The following RESF1 variants were observed in gnomAD, a reference collection of about 807,000 sequenced individuals.
RESF1 encodes the protein gonad expressed transcript.
RESF1 carries 65 observed loss-of-function variants against 134.7 expected under a neutral mutation model. That is an observed-to-expected ratio of 0.48 (90% CI 0.40 to 0.59). The LOEUF is 0.59. RESF1 is among the 20% of genes least tolerant of loss of function. RESF1 has a pLI of 0.00. For synonymous variants in RESF1, 762 were observed against 702.2 expected (o/e 1.09, Z -1.35); for missense variants, 2,274 against 2,002.7 (o/e 1.14, Z -2.59).
intron 5 of RESF1, among the ~76,000 whole-genome samples, chr12:31,988,847 G>A (rs747168026): frequency 1.2e-4 from 18 of 151,798 alleles, no homozygotes; most frequent in Middle Eastern, 6.8e-3. Flanking sequence ...ACACTACCAC[G>A]CCTGGCTTAT....
chr12:31,959,908 T>A (rs1939217445), intron 1 of RESF1: 1 of 151,950 alleles, frequency 6.6e-6, no homozygotes, highest in African/African-American at 2.4e-5. Flanking sequence ...CGGGTGGGTA[T>A]GAGAGCTGCT....
At chr12:31,968,411 A>T (rs1050790908) in intron 2 of RESF1, among the ~76,000 whole-genome samples, 2 of 151,700 alleles carry the variant, frequency 1.3e-5, no homozygotes, top group African/African-American at 4.8e-5. Context: ...AGAAGTGGTC[A>T]GGACTTTTTC....
At chr12:31,970,436 T>C (rs1939480370) in intron 3 of RESF1, 80 bp downstream of exon 3, 1 of 152,268 alleles carries the variant, frequency 6.6e-6, no homozygotes. Context: ...TTGTTGATTT[T>C]CCACCTATTT....
rs747146526 is a variant in RESF1, at chr12:31,985,759, A to G, written c.4804A>G (p.Ser1602Gly). The change falls in exon 4 of 6, where the codon AGT becomes GGT. Residue 1602 changes from serine (S) to glycine (G), a missense_variant. Coordinates refer to ENST00000312561, the MANE Select transcript of RESF1 (RefSeq NM_018169.4). ...AAGCATTTCTCTCACCAAATTAGAA[A>G]GTTCACCCAGGAAGCTTCATAAAGA... ...RESISLTKLE[S>G]SPRKLHKDKR... 1.3e-6 allele frequency: 2 copies of G among 1,577,190 alleles called. No individual in the cohort carries two copies. The highest frequency in any genetic ancestry group is 2.0e-5 in the Admixed American group (1 of 49,298).
chr12:31,992,463 A>C lies in RESF1; in HGVS notation c.5172A>C (p.Glu1724Asp). Residue 1724 changes from glutamate to aspartate, a missense_variant, in exon 6 of 6, where the codon GAA (glutamate) becomes GAC (aspartate). By Grantham distance (45) the Glu-to-Asp change is conservative. Coordinates refer to ENST00000312561, the MANE Select transcript of RESF1 (RefSeq NM_018169.4). ...MLQNPVKDSK[E>D]MFQTYKQMYL... ...AAAACCCAGTAAAAGATTCAAAAGA[A>C]ATGTTTCAAACCTACAAACAGATGT... 7 of 1,614,010 alleles carry C rather than the reference A, an allele frequency of 4.3e-6. No homozygotes were observed. Among genetic ancestry groups the C allele is most frequent in the Non-Finnish European group, 5.9e-6 (7 of 1,179,906 alleles).
Position 31,969,011 on chromosome 12 carries a change from G to C in RESF1, c.-246-1178G>C, listed in dbSNP as rs147781829. Among the ~76,000 whole-genome samples the C allele has an allele frequency of 1.2e-3, 190 of 152,196 alleles. 2 individuals carry two copies. In the East Asian group the frequency reaches 0.015, roughly 12 times the overall value. ...GCTGGAGTACAGTGGCACTACCATAGTCCACTGCACTCTCGACTTCCCATG... is the reference window on the plus strand; with the variant it reads ...GCTGGAGTACAGTGGCACTACCATACTCCACTGCACTCTCGACTTCCCATG... On this transcript the variant is annotated intron_variant, in intron 2 of 5. Transcript: ENST00000312561.
rs1464893413 is a variant in RESF1, at chr12:31,992,626, T to C, written c.*91T>C. The C allele has an allele frequency of 7.9e-7, 1 of 1,264,626 alleles. No homozygotes were observed. The highest frequency in any genetic ancestry group is 1.5e-5 in the African/African-American group (1 of 66,432). The allele number at this position is 1,264,626 out of a possible 1,614,324, so 78.3% of individuals were successfully genotyped here. Reference sequence around the variant, plus strand: ...CTGAAACTAATGAGAAATGCCATGATAAAGATTTCTCAGAGTTTGGTTCCC... The same window carrying C: ...CTGAAACTAATGAGAAATGCCATGACAAAGATTTCTCAGAGTTTGGTTCCC... On this transcript the variant is annotated 3_prime_UTR_variant, in exon 6 of 6. Transcript: ENST00000312561.
chr12:31,984,457 G>T lies in RESF1; in HGVS notation c.3502G>T (p.Asp1168Tyr). The change falls in exon 4 of 6, where the codon GAT (aspartate) becomes TAT (tyrosine). Residue 1168 changes from aspartate to tyrosine, a missense_variant. By Grantham distance (160) the Asp-to-Tyr change is radical. Coordinates refer to ENST00000312561, the MANE Select transcript of RESF1 (RefSeq NM_018169.4). The part of the protein sequence containing the change: ...RDSVILDSEK[D>Y]DIHCCALGWL... ...TTCTGTGATACTGGACTCTGAGAAA[G>T]ATGATATCCACTGCTGTGCATTGGG... 1 of 1,614,128 alleles carries T rather than the reference G, an allele frequency of 6.2e-7. No homozygotes were observed. The highest frequency in any genetic ancestry group is 8.5e-7 in the Non-Finnish European group (1 of 1,179,964).
chr12:31,976,344 C>G (rs1256349055), intron 3 of RESF1, among the ~76,000 whole-genome samples: 15 of 152,144 alleles, frequency 9.9e-5, no homozygotes, highest in Admixed American at 9.8e-4. Context: ...TTAACAGTAA[C>G]ATTAAACAGT....
chr12:31,969,371 G>T (rs1036050402), intron 2 of RESF1, among the ~76,000 whole-genome samples: 1 of 152,296 alleles, frequency 6.6e-6, no homozygotes, highest in South Asian at 2.1e-4. Context: ...CCACACGGTG[G>T]CATTCACCTG....
rs751932211 is a variant in RESF1 at position 31,985,055 on chromosome 12, A to G, written c.4100A>G (p.Lys1367Arg). The G allele has an allele frequency of 1.3e-6, 2 of 1,582,654 alleles. No homozygotes were observed. Among genetic ancestry groups the G allele is most frequent in the East Asian group, 2.2e-5 (1 of 44,656 alleles). ...CCAGAAAAGATAAAATTGAAACTCAAATCAGTTAGCTTCAAACAAAAACGA... is the reference window on the plus strand; with the variant it reads ...CCAGAAAAGATAAAATTGAAACTCAGATCAGTTAGCTTCAAACAAAAACGA... Reference protein sequence around the residue: ...LSPEKIKLKLKSVSFKQKRKL... With the variant: ...LSPEKIKLKLRSVSFKQKRKL... Residue 1367 changes from lysine to arginine, a missense_variant, in exon 4 of 6, where the codon AAA (lysine) becomes AGA (arginine). Lys to Arg is a conservative substitution (Grantham distance 26). Transcript: ENST00000312561.
At chr12:31,989,415 A>AT (rs1555112941) in intron 5 of RESF1, among the ~76,000 whole-genome samples, 37 of 148,964 alleles carry the variant, frequency 2.5e-4, no homozygotes, top group Non-Finnish European at 5.1e-4. Context: ...AAAAAAAAAA[A>AT]TAGGCAAAGA....
chr12:31,987,305 AAGAC>A lies in RESF1; in HGVS notation c.5072_5075del (p.Asp1691AlafsTer28), dbSNP rs1565489032. ...GTTGCTACAAAGAAAAGGACACAGAAAGACAGCCAAGAGAGAGGTAAAGTCATCT... is the reference window on the plus strand; with the variant it reads ...GTTGCTACAAAGAAAAGGACACAGAAAGCCAAGAGAGAGGTAAAGTCATCT... On this transcript the variant is annotated frameshift_variant, in exon 5 of 6. Coordinates refer to ENST00000312561, the MANE Select transcript of RESF1 (RefSeq NM_018169.4). LOFTEE classifies it low-confidence loss of function (END_TRUNC). The A allele has an allele frequency of 1.2e-6, 2 of 1,600,490 alleles. No individual in the cohort carries two copies. Among genetic ancestry groups the A allele is most frequent in the Admixed American group, 1.7e-5 (1 of 59,448 alleles).
At chr12:31,988,529 A>G (rs1940024391) in intron 5 of RESF1, among the ~76,000 whole-genome samples, 1 of 152,120 alleles carries the variant, frequency 6.6e-6, no homozygotes, top group Non-Finnish European at 1.5e-5. Context: ...GCATCCCCAG[A>G]TTTTGGTATC....
Position 31,980,860 on chromosome 12 carries a change from T to C in RESF1, c.-78-18T>C, listed in dbSNP as rs1457352783. ...TAGGCAAAACAGCATTTTAATAAAA[T>C]ATCTTTATTTCTTACAGATTCCTGA... is the stretch of plus-strand genomic sequence containing the variant. On this transcript the variant is annotated intron_variant, in intron 3 of 5. Coordinates refer to ENST00000312561, the MANE Select transcript of RESF1 (RefSeq NM_018169.4). The C allele has an allele frequency of 1.1e-5, 10 of 921,442 alleles. No individual in the cohort carries two copies. Among genetic ancestry groups the C allele is most frequent in the Non-Finnish European group, 1.6e-5 (10 of 617,158 alleles). The allele number at this position is 921,442 out of a possible 1,614,324, so 57.1% of individuals were successfully genotyped here. A position where few individuals can be genotyped will look rare whatever the true frequency, so the allele number is the denominator to read the frequency against.
chr12:31,982,353 G>A lies in RESF1; in HGVS notation c.1398G>A (p.Glu466=), dbSNP rs1305490332. Residue 466 remains glutamate, a synonymous_variant, in exon 4 of 6, where the codon GAG becomes GAA. Coordinates refer to ENST00000312561, the MANE Select transcript of RESF1 (RefSeq NM_018169.4). ...QITPVMPENA[E]RQTPTVVESA... Reference sequence around the variant, plus strand: ...CTCCAGTAATGCCAGAGAATGCAGAGAGACAAACACCAACAGTAGTGGAAT... The same window carrying A: ...CTCCAGTAATGCCAGAGAATGCAGAAAGACAAACACCAACAGTAGTGGAAT... The A allele has an allele frequency of 1.2e-6, 2 of 1,614,146 alleles. No homozygotes were observed. The highest frequency in any genetic ancestry group is 1.1e-5 in the South Asian group (1 of 91,074).
intron 2 of RESF1, among the ~76,000 whole-genome samples, chr12:31,962,744 A>T (rs759232232): frequency 9.2e-5 from 14 of 152,234 alleles, no homozygotes; most frequent in Admixed American, 4.6e-4. Context: ...CAGAAACCAT[A>T]AGGTGATTAT....
Position 31,982,284 on chromosome 12 carries a change from G to T in RESF1, c.1329G>T (p.Leu443Phe), listed in dbSNP as rs538577637. 1 of 1,613,970 alleles carries T rather than the reference G, an allele frequency of 6.2e-7. No individual in the cohort carries two copies. The highest frequency in any genetic ancestry group is 8.5e-7 in the Non-Finnish European group (1 of 1,180,034). Residue 443 changes from leucine (L) to phenylalanine (F), a missense_variant, in exon 4 of 6, where the codon TTG becomes TTT. Transcript: ENST00000312561. ...GTGAACCAGCTCAGAATTCTAAATTGTCTCTAAAACAAACTGCCAAAATCC... is the reference window on the plus strand; with the variant it reads ...GTGAACCAGCTCAGAATTCTAAATTTTCTCTAAAACAAACTGCCAAAATCC... ...SYSEPAQNSK[L>F]SLKQTAKIQS...
chr12:31,990,500 T>C lies in RESF1; in HGVS notation c.5087-1878T>C, dbSNP rs1371135500. On this transcript the variant is annotated intron_variant, in intron 5 of 5. Transcript: ENST00000312561. ...TCTCGCTGTGTCGCCCAGGCTGGAG[T>C]GCAGTGGTGCGACCTAGGCTCACTG... Among the ~76,000 whole-genome samples, 3 of 152,098 alleles carry C rather than the reference T, an allele frequency of 2.0e-5. No homozygotes were observed. The East Asian group carries it at 5.8e-4, about 29-fold the overall frequency.
Sources: allele counts gnomAD v4.1 joint callset (sites outside exome capture counted in the v4.1 genomes callset), GRCh38; gene constraint gnomAD v4.1.1; transcripts MANE v1.5; gene names NCBI Gene and HGNC (gene_info 2026-07-23, HGNC 2026-07-21).